The following VEZT variants were observed in gnomAD, a reference collection of about 807,000 sequenced individuals.
The protein encoded by VEZT is vezatin.
In VEZT, 39 loss-of-function variants were observed where a neutral mutation model predicts 79.9. That is an observed-to-expected ratio of 0.49 (90% CI 0.38 to 0.64). The LOEUF is 0.64. Among genes scored for constraint, VEZT ranks in the 30% least tolerant of loss-of-function variants. The probability of loss-of-function intolerance (pLI) is 0.00; values close to 1 mark genes in which losing one functional copy is unlikely to be tolerated. For missense variants in VEZT, 837 were observed against 893.1 expected (o/e 0.94, Z 0.80); for synonymous variants, 325 against 327.6 (o/e 0.99, Z 0.09).
At chr12:95,234,588 C>T (rs2059749124) in intron 1 of VEZT, among the ~76,000 whole-genome samples, 2 of 152,276 alleles carry the variant, frequency 1.3e-5, no homozygotes, top group South Asian at 2.1e-4. Context: ...AGCCACCGCG[C>T]CAGGCTTCCA....
intron 5 of VEZT, among the ~76,000 whole-genome samples, chr12:95,269,390 T>G (rs2066172439): frequency 6.6e-6 from 1 of 152,210 alleles, no homozygotes; most frequent in Non-Finnish European, 1.5e-5. Context: ...TTTCTACTTG[T>G]ATTCCCCTGT....
In VEZT at chr12:95,217,900, G is replaced by C; in HGVS notation, c.36+14G>C. The stretch of plus-strand genomic sequence containing the variant: ...GTGGTTTTTGAGGTAAGAGGAAAAT[G>C]GCGGTGGGTGTGGATTGCCTTTGTT... On this transcript the variant is annotated intron_variant, in intron 1 of 11. Transcript: ENST00000436874. 6.6e-7 allele frequency: 1 copy of C among 1,508,364 alleles called. No individual in the cohort carries two copies. The highest frequency in any genetic ancestry group is 8.8e-7 in the Non-Finnish European group (1 of 1,131,480). The allele number at this position is 1,508,364 out of a possible 1,614,324, so 93.4% of individuals were successfully genotyped here.
intron 1 of VEZT, 42 bp from the exon 2 acceptor site, chr12:95,251,898 A>C (rs753841930): frequency 6.3e-7 from 1 of 1,589,988 alleles, no homozygotes; most frequent in African/African-American, 1.4e-5. Flanking sequence ...CTTTTGAAGT[A>C]GTAATGATCT....
At chr12:95,232,596 G>A (rs1230068102) in intron 1 of VEZT, among the ~76,000 whole-genome samples, 10 of 152,186 alleles carry the variant, frequency 6.6e-5, no homozygotes, top group Non-Finnish European at 2.9e-5. Flanking sequence ...TTAGTAGCTA[G>A]TGTGCCTGTG....
chr12:95,249,707 C>T (rs1018704664), intron 1 of VEZT, among the ~76,000 whole-genome samples: 2 of 152,102 alleles, frequency 1.3e-5, no homozygotes, highest in African/African-American at 2.4e-5. Context: ...AGGTATCTCT[C>T]CTGTTTCCAT....
intron 10 of VEZT, among the ~76,000 whole-genome samples, chr12:95,295,135 C>T (rs1308903315): frequency 6.6e-6 from 1 of 152,080 alleles, no homozygotes; most frequent in African/African-American, 2.4e-5. Flanking sequence ...TCTGCAACAT[C>T]CTGCCAGAAT....
chr12:95,267,386 T>A (rs2065734855), intron 5 of VEZT, among the ~76,000 whole-genome samples: 1 of 152,190 alleles, frequency 6.6e-6, no homozygotes, highest in Non-Finnish European at 1.5e-5. Context: ...CAGATGACAG[T>A]TGTGTGCTAG....
At chr12:95,276,916 C>T (rs1280622373) in intron 7 of VEZT, among the ~76,000 whole-genome samples, 1 of 152,122 alleles carries the variant, frequency 6.6e-6, no homozygotes, top group Non-Finnish European at 1.5e-5. Flanking sequence ...TTTCTTGTCC[C>T]TCTTTTTGCC....
chr12:95,232,971 A>T (rs981603844), intron 1 of VEZT, among the ~76,000 whole-genome samples: 6 of 151,916 alleles, frequency 3.9e-5, no homozygotes, highest in Admixed American at 3.3e-4. Flanking sequence ...ATGTTTGACT[A>T]ATTTTTGTAT....
At chr12:95,261,791 A>C (rs1482990675) in intron 3 of VEZT, among the ~76,000 whole-genome samples, 1 of 152,232 alleles carries the variant, frequency 6.6e-6, no homozygotes, top group African/African-American at 2.4e-5. Context: ...CACAGCTACC[A>C]AACGCTTAGG....
intron 1 of VEZT, among the ~76,000 whole-genome samples, chr12:95,246,739 G>A (rs1488788692): frequency 6.6e-6 from 1 of 152,036 alleles, no homozygotes; most frequent in Non-Finnish European, 1.5e-5. Context: ...CTGTGTCTGA[G>A]GTTTCTCATA....
intron 1 of VEZT, among the ~76,000 whole-genome samples, chr12:95,250,209 T>TC (rs1593403154): frequency 9.3e-6 from 1 of 107,560 alleles, no homozygotes; most frequent in Admixed American, 1.1e-4. Flanking sequence ...ATGCTATCCC[T>TC]CCCCCCTCCC....
intron 1 of VEZT, among the ~76,000 whole-genome samples, chr12:95,230,456 A>G (rs1001079509): frequency 6.7e-6 from 1 of 149,176 alleles, no homozygotes; most frequent in Admixed American, 6.7e-5. Flanking sequence ...CACTCTGTCA[A>G]CCCAGGCTGG....
chr12:95,224,318 CTTTTT>C (rs62851660), intron 1 of VEZT: 4 of 409,440 alleles, frequency 9.8e-6, no homozygotes, highest in African/African-American at 4.3e-5. Context: ...AAAGCCACAA[CTTTTT>C]TTTTTTTTTT....
intron 7 of VEZT, among the ~76,000 whole-genome samples, chr12:95,279,255 G>A (rs1435950715): frequency 6.6e-6 from 1 of 152,136 alleles, no homozygotes. Context: ...TGACTGCCAT[G>A]TTGGTGCTCA....
In VEZT at chr12:95,290,913, G is replaced by T. The variant is rs970020251; in HGVS notation, c.1522+3056G>T. 2 of 151,864 alleles carry T rather than the reference G, an allele frequency of 1.3e-5. 1 individual carries two copies. The highest frequency in any genetic ancestry group is 4.2e-4 in the South Asian group (2 of 4,816). The allele number at this position is 151,864 out of a possible 1,614,324, so 9.4% of individuals were successfully genotyped here. A position where few individuals can be genotyped will look rare whatever the true frequency, so the allele number is the denominator to read the frequency against. On this transcript the variant is annotated intron_variant, in intron 9 of 11. Coordinates refer to ENST00000436874, the MANE Select transcript of VEZT (RefSeq NM_017599.4). ...TCATTGAGAATAGGTTATAACTTTG[G>T]CATTACTCGAGGATTACCATAGAAA...
chr12:95,235,719 A>C (rs987424666), intron 1 of VEZT, among the ~76,000 whole-genome samples: 2 of 129,514 alleles, frequency 1.5e-5, no homozygotes, highest in Non-Finnish European at 3.3e-5. Context: ...CGGGGGGCTG[A>C]CCCCCACCTC....
At chr12:95,235,709 C>T (rs1342262883) in intron 1 of VEZT, among the ~76,000 whole-genome samples, 15 of 148,260 alleles carry the variant, frequency 1.0e-4, no homozygotes, top group Middle Eastern at 3.7e-3. Flanking sequence ...GCTGGCCGGG[C>T]GGGGGGCTGA....
chr12:95,235,800 G>C (rs939123949), intron 1 of VEZT, among the ~76,000 whole-genome samples: 13 of 151,030 alleles, frequency 8.6e-5, no homozygotes, highest in Admixed American at 8.6e-4. Context: ...CCGGGCAGAG[G>C]GGCTCCTCAC....
Sources: gnomAD v4.1 joint callset for allele counts (sites outside exome capture counted in the v4.1 genomes callset) on GRCh38, gnomAD v4.1.1 for gene constraint, MANE v1.5 for transcripts, NCBI Gene and HGNC (gene_info 2026-07-23, HGNC 2026-07-21) for gene names.